The following SNX29 variants were observed in gnomAD, a reference collection of about 807,000 sequenced individuals.
SNX29 encodes sorting nexin-29.
A neutral mutation model predicts 102.1 loss-of-function variants in SNX29; 78 were observed. The observed-to-expected ratio is 0.76, with a 90% confidence interval of 0.64 to 0.92. The LOEUF is 0.92. Ranked by LOEUF, SNX29 falls within the 40% of genes least tolerant of loss-of-function variation. SNX29 has a pLI of 0.00. For missense variants in SNX29, 1,280 were observed against 1,061.7 expected (o/e 1.21, Z -2.86); for synonymous variants, 580 against 414.5 (o/e 1.40, Z -4.85).
chr16:12,415,333 T>C (rs7198141), intron 18 of SNX29, among the ~76,000 whole-genome samples: 85,446 of 152,100 alleles, frequency 0.56, 24,544 homozygotes, highest in Non-Finnish European at 0.63. Context: ...CTCGGCAGGA[T>C]TGCCTTGGAG....
intron 14 of SNX29, among the ~76,000 whole-genome samples, chr16:12,209,865 G>C (rs1029474673): frequency 6.6e-6 from 1 of 152,178 alleles, no homozygotes; most frequent in Non-Finnish European, 1.5e-5. Flanking sequence ...CGAGCCTGAA[G>C]ACTCGCTTCA....
rs558465791 is a variant in SNX29 at position 12,443,143 on chromosome 16, C to CT, written c.2038-34575dup. On this transcript the variant is annotated intron_variant, in intron 18 of 20. Transcript: ENST00000566228. ...AGCATCTGCCTAAATCCTGCCGGGC[C>CT]TAGGGCCTGCGTGGGCTTTCTCTGT... 1.3e-4 allele frequency: 54 copies of CT among 411,614 alleles called. 1 individual carries two copies. Among genetic ancestry groups the CT allele is most frequent in the South Asian group, 9.1e-4 (53 of 58,194 alleles). The allele number at this position is 411,614 out of a possible 1,614,324, so 25.5% of individuals were successfully genotyped here. A position where few individuals can be genotyped will look rare whatever the true frequency, so the allele number is the denominator to read the frequency against.
At chr16:11,977,013 G>A (rs1390899479) in intron 1 of SNX29, 200 bp downstream of exon 1, 2 of 598,086 alleles carry the variant, frequency 3.3e-6, no homozygotes, top group South Asian at 6.8e-5. Context: ...CTCCCGTGGC[G>A]GGGCACTCCT....
chr16:11,981,689 T>C (rs1319307652), intron 1 of SNX29, among the ~76,000 whole-genome samples: 5 of 152,098 alleles, frequency 3.3e-5, no homozygotes, highest in Non-Finnish European at 5.9e-5. Context: ...GCTGAATACA[T>C]TAAGTACAAA....
chr16:12,210,687 C>A (rs948576129), intron 14 of SNX29, among the ~76,000 whole-genome samples: 1 of 152,196 alleles, frequency 6.6e-6, no homozygotes, highest in South Asian at 2.1e-4. Flanking sequence ...AGGTTGTAGC[C>A]AAGGTGTCCT....
At chr16:12,560,433 T>A (rs367728992) in intron 20 of SNX29, among the ~76,000 whole-genome samples, 1 of 152,188 alleles carries the variant, frequency 6.6e-6, no homozygotes. Context: ...TAGGCATCCA[T>A]GTCCCCAGCC....
At chr16:12,134,916 T>C (rs1157001207) in intron 13 of SNX29, among the ~76,000 whole-genome samples, 2 of 152,170 alleles carry the variant, frequency 1.3e-5, no homozygotes, top group African/African-American at 4.8e-5. Context: ...GGCCAAGAAG[T>C]CTCACAAGCT....
chr16:12,425,167 C>G (rs1480522709), intron 18 of SNX29, among the ~76,000 whole-genome samples: 1 of 152,146 alleles, frequency 6.6e-6, no homozygotes, highest in Non-Finnish European at 1.5e-5. Context: ...GGAGGTTGTC[C>G]TCTGGGGGTA....
rs2141597004 is a variant in SNX29, at chr16:12,572,954, A to G, written c.*4325A>G. 1 of 666,140 alleles carries G rather than the reference A, an allele frequency of 1.5e-6. No individual in the cohort carries two copies. Among genetic ancestry groups the G allele is most frequent in the East Asian group, 5.5e-5 (1 of 18,022 alleles). 41.3% of individuals were successfully genotyped at this position (666,140 alleles called of 1,614,324 possible). A position where few individuals can be genotyped will look rare whatever the true frequency, so the allele number is the denominator to read the frequency against. On this transcript the variant is annotated 3_prime_UTR_variant, in exon 21 of 21. Coordinates refer to ENST00000566228, the MANE Select transcript of SNX29 (RefSeq NM_032167.5). ...CAAGGCAGGCATCTGCTTATGAGCA[A>G]GGTCAAAGATTTTTCAAAATATTGT...
chr16:12,565,339 C>A lies in SNX29; in HGVS notation c.2319-3167C>A, dbSNP rs537701441. ...ACTGTGCTCAGCAGTCTGGGTTTTC[C>A]ATCTGTCACGCACTCACTGAAGCCC... On this transcript the variant is annotated intron_variant, in intron 20 of 20. Coordinates refer to ENST00000566228, the MANE Select transcript of SNX29 (RefSeq NM_032167.5). Among the ~76,000 whole-genome samples the A allele has an allele frequency of 6.2e-4, 94 of 152,316 alleles. 1 individual carries two copies. The highest frequency in any genetic ancestry group is 2.1e-3 in the African/African-American group (89 of 41,562).
chr16:12,237,874 C>T (rs963870042), intron 14 of SNX29, among the ~76,000 whole-genome samples: 5 of 152,170 alleles, frequency 3.3e-5, no homozygotes, highest in African/African-American at 9.7e-5. Context: ...TGCCACTGCA[C>T]TCCAGCCTGG....
intron 13 of SNX29, among the ~76,000 whole-genome samples, chr16:12,148,993 C>G (rs574037271): frequency 1.3e-5 from 2 of 152,140 alleles, no homozygotes; most frequent in Non-Finnish European, 2.9e-5. Flanking sequence ...TGAGCCACCA[C>G]GCCCGGCCTG....
At chr16:12,083,483 A>C (rs350260) in intron 11 of SNX29, among the ~76,000 whole-genome samples, 71,475 of 146,992 alleles carry the variant, frequency 0.49, 17,362 homozygotes, top group African/African-American at 0.65. Flanking sequence ...GGTGTCCCTT[A>C]TCTCTTCTTA....
chr16:12,224,484 C>A (rs1220314402), intron 14 of SNX29, among the ~76,000 whole-genome samples: 2 of 152,176 alleles, frequency 1.3e-5, no homozygotes, highest in Non-Finnish European at 2.9e-5. Flanking sequence ...GTGCTGAGGA[C>A]ATCCAGGTGC....
Position 12,572,070 on chromosome 16 carries a change from A to G in SNX29, c.*3441A>G. 1 of 1,063,470 alleles carries G rather than the reference A, an allele frequency of 9.4e-7. No individual in the cohort carries two copies. 65.9% of individuals were successfully genotyped at this position (1,063,470 alleles called of 1,614,324 possible). A position where few individuals can be genotyped will look rare whatever the true frequency, so the allele number is the denominator to read the frequency against. ...GTAAACAAGGGAACCATCTTGCAAG[A>G]TCTAGGAAGAGGAAGGGGAGGGATG... On this transcript the variant is annotated 3_prime_UTR_variant, in exon 21 of 21. Coordinates refer to ENST00000566228, the MANE Select transcript of SNX29 (RefSeq NM_032167.5).
intron 15 of SNX29, among the ~76,000 whole-genome samples, chr16:12,303,165 T>A (rs1049139155): frequency 6.6e-6 from 1 of 152,228 alleles, no homozygotes; most frequent in Non-Finnish European, 1.5e-5. Context: ...GATAGAGGTA[T>A]GGAGTTGGTC....
intron 15 of SNX29, among the ~76,000 whole-genome samples, chr16:12,307,236 T>C (rs1470348518): frequency 6.6e-6 from 1 of 152,220 alleles, no homozygotes. Flanking sequence ...TTTTCCTCGC[T>C]CACATGGCAT....
intron 14 of SNX29, among the ~76,000 whole-genome samples, chr16:12,247,587 C>T (rs900846506): frequency 5.9e-5 from 9 of 152,148 alleles, no homozygotes; most frequent in Non-Finnish European, 5.9e-5. Flanking sequence ...TCCTGGAGAG[C>T]CATCAGGTCC....
intron 16 of SNX29, among the ~76,000 whole-genome samples, chr16:12,361,367 T>C (rs1427246723): frequency 6.6e-6 from 1 of 152,256 alleles, no homozygotes; most frequent in African/African-American, 2.4e-5. Context: ...TCACTGTAGA[T>C]AAATTTTTGG....
Sources: gnomAD v4.1 joint callset for allele counts (sites outside exome capture counted in the v4.1 genomes callset) on GRCh38, gnomAD v4.1.1 for gene constraint, MANE v1.5 for transcripts, NCBI Gene and HGNC (gene_info 2026-07-23, HGNC 2026-07-21) for gene names.